FAM240A: variants seen among roughly 807,000 people sequenced by gnomAD.
FAM240A encodes the protein protein FAM240A.
A neutral mutation model predicts 7.3 loss-of-function variants in FAM240A; 8 were observed. That is an observed-to-expected ratio of 1.09 (90% confidence interval 0.64 to 1.97). FAM240A has a LOEUF of 1.97. FAM240A is among the 30% of genes most tolerant of loss of function. The probability of loss-of-function intolerance (pLI) is 0.00; values close to 1 mark genes in which losing one functional copy is unlikely to be tolerated. For synonymous variants in FAM240A, 32 were observed against 35.9 expected, an observed-to-expected ratio of 0.89 and a Z score of 0.38; for missense variants, 90 against 102.2, an observed-to-expected ratio of 0.88 and a Z score of 0.52.
intron 2 of FAM240A, among the ~76,000 whole-genome samples, chr3:46,623,660 T>G (rs1697722340): frequency 6.6e-6 from 1 of 152,224 alleles, no homozygotes; most frequent in Admixed American, 6.5e-5. Context: ...TAATATTTTT[T>G]GCTATGAAAT....
At chr3:46,618,934 C>T (rs1365054963) in intron 2 of FAM240A, among the ~76,000 whole-genome samples, 2 of 150,092 alleles carry the variant, frequency 1.3e-5, no homozygotes, top group Admixed American at 6.7e-5. Context: ...CAGTATCTAT[C>T]TATGCATATA....
chr3:46,624,264 ATTTTTTTTT>A (rs59290700), intron 2 of FAM240A, among the ~76,000 whole-genome samples: 1 of 96,492 alleles, frequency 1.0e-5, no homozygotes, highest in Non-Finnish European at 1.9e-5. Flanking sequence ...ACGGTGGGCT[ATTTTTTTTT>A]TTTTTTTTTT....
At chr3:46,612,720 G>T in intron 1 of FAM240A, 22 bp downstream of exon 1, 1 of 1,529,480 alleles carries the variant, frequency 6.5e-7, no homozygotes, top group Non-Finnish European at 8.8e-7. Context: ...TTAATTTGTT[G>T]ATTTTGTGAA....
At position 46,613,265 on chromosome 3, in the gene FAM240A, C is replaced by T. The variant is rs373179294; in HGVS notation, c.15+567C>T. Among the ~76,000 whole-genome samples, 60 of 152,084 alleles carry T rather than the reference C, an allele frequency of 3.9e-4. 1 individual carries two copies. In the South Asian group the frequency reaches 0.011, roughly 28 times the overall value. Reference sequence around the variant, plus strand: ...TCCCAGCACTTTTGAAGACCAAGGCCGGTGGATCACCTGAGGTCAGGAGTT... The same window carrying T: ...TCCCAGCACTTTTGAAGACCAAGGCTGGTGGATCACCTGAGGTCAGGAGTT... On this transcript the variant is annotated intron_variant, in intron 1 of 2. Coordinates refer to ENST00000640551, the MANE Select transcript of FAM240A (RefSeq NM_001195442.2).
intron 2 of FAM240A, 130 bp from the exon 3 acceptor site, chr3:46,624,998 C>T (rs1217611856): frequency 4.3e-5 from 16 of 373,412 alleles, no homozygotes; most frequent in East Asian, 1.9e-4. Flanking sequence ...CTTGCATGTC[C>T]TCTGCATGCC....
At chr3:46,624,228 G>A (rs1157978301) in intron 2 of FAM240A, among the ~76,000 whole-genome samples, 4 of 145,490 alleles carry the variant, frequency 2.7e-5, no homozygotes, top group African/African-American at 1.0e-4. Context: ...TAACCCCACA[G>A]TACATCATTA....
At chr3:46,616,745 A>G (rs1040458478) in intron 1 of FAM240A, among the ~76,000 whole-genome samples, 2 of 151,372 alleles carry the variant, frequency 1.3e-5, no homozygotes, top group Admixed American at 6.6e-5. Context: ...CATTTTCTTG[A>G]TCCAGTCATA....
At chr3:46,620,769 CT>C (rs1176739628) in intron 2 of FAM240A, among the ~76,000 whole-genome samples, 1 of 151,828 alleles carries the variant, frequency 6.6e-6, no homozygotes, top group Non-Finnish European at 1.5e-5. Context: ...TATTCGGGTC[CT>C]GATTCAACCA....
At position 46,612,552 on chromosome 3, in the gene FAM240A, C is replaced by G; in HGVS notation, c.-132C>G. 5.6e-6 allele frequency: 4 copies of G among 720,350 alleles called. No individual in the cohort carries two copies. The South Asian group carries it at 6.4e-5, about 11-fold the overall frequency. The allele number at this position is 720,350 out of a possible 1,614,324, so 44.6% of individuals were successfully genotyped here. The stretch of plus-strand genomic sequence containing the variant: ...ATTGCTGGCACAGCGTTAAGGCTTG[C>G]GAGGGACAAATGTTCCTTTGTTCTT... On this transcript the variant is annotated 5_prime_UTR_variant, in exon 1 of 3. Coordinates refer to ENST00000640551, the MANE Select transcript of FAM240A (RefSeq NM_001195442.2).
chr3:46,623,625 G>A (rs1467018434), intron 2 of FAM240A, among the ~76,000 whole-genome samples: 1 of 152,062 alleles, frequency 6.6e-6, no homozygotes, highest in Non-Finnish European at 1.5e-5. Flanking sequence ...CCCTCTTATT[G>A]CAAAATGACC....
chr3:46,625,076 C>T, intron 2 of FAM240A, 52 bp from the exon 3 acceptor site: 3 of 1,362,194 alleles, frequency 2.2e-6, no homozygotes, highest in Non-Finnish European at 3.0e-6. Flanking sequence ...TCTCCTGAAC[C>T]AAGAGCCATG....
At chr3:46,618,568 C>T (rs142749120) in intron 2 of FAM240A, among the ~76,000 whole-genome samples, 195 of 152,190 alleles carry the variant, frequency 1.3e-3, no homozygotes, top group African/African-American at 4.2e-3. Context: ...CGGCCGGGTG[C>T]GGTGACTCAC....
intron 2 of FAM240A, among the ~76,000 whole-genome samples, chr3:46,622,945 C>A (rs2107147770): frequency 6.6e-6 from 1 of 152,212 alleles, no homozygotes; most frequent in Non-Finnish European, 1.5e-5. Context: ...ATCTATAGGT[C>A]AATTTAGGGA....
At chr3:46,613,868 A>G (rs879482005) in intron 1 of FAM240A, among the ~76,000 whole-genome samples, 4 of 152,144 alleles carry the variant, frequency 2.6e-5, no homozygotes, top group Non-Finnish European at 5.9e-5. Flanking sequence ...GTCTTATCCC[A>G]GTGTCAGCCG....
At chr3:46,619,027 G>A (rs930480601) in intron 2 of FAM240A, among the ~76,000 whole-genome samples, 8 of 151,894 alleles carry the variant, frequency 5.3e-5, no homozygotes, top group South Asian at 2.1e-4. Context: ...ACCCTCTTCC[G>A]ATTTGACTCT....
At chr3:46,620,864 T>A (rs139635073) in intron 2 of FAM240A, among the ~76,000 whole-genome samples, 341 of 152,336 alleles carry the variant, frequency 2.2e-3, no homozygotes, top group African/African-American at 7.5e-3. Context: ...TCTGGTTAAT[T>A]TTTTAAGTGT....
At position 46,620,709 on chromosome 3, in the gene FAM240A, G is replaced by C. The variant is rs1000661886; in HGVS notation, c.161+3381G>C. Among the ~76,000 whole-genome samples, 3 of 152,204 alleles carry C rather than the reference G, an allele frequency of 2.0e-5. 1 individual carries two copies. The South Asian group carries it at 6.2e-4, about 31-fold the overall frequency. On this transcript the variant is annotated intron_variant, in intron 2 of 2. Transcript: ENST00000640551. ...GGGGAAAGATGAGGGAGAATTTCCA[G>C]ATTAAAGAAATCCTAAAAGATATAG... is the stretch of plus-strand genomic sequence containing the variant.
chr3:46,617,469 T>A, intron 2 of FAM240A, 141 bp downstream of exon 2: 2 of 604,702 alleles, frequency 3.3e-6, no homozygotes, highest in Non-Finnish European at 5.4e-6. Flanking sequence ...TGCCCCACTG[T>A]CAACATCTGC....
chr3:46,624,257 G>A (rs1697729769), intron 2 of FAM240A, among the ~76,000 whole-genome samples: 1 of 141,366 alleles, frequency 7.1e-6, no homozygotes, highest in African/African-American at 2.6e-5. Flanking sequence ...ACTTTCAACG[G>A]TGGGCTATTT....
Sources: allele counts gnomAD v4.1 joint callset (sites outside exome capture counted in the v4.1 genomes callset), GRCh38; gene constraint gnomAD v4.1.1; transcripts MANE v1.5; gene names NCBI Gene and HGNC (gene_info 2026-07-23, HGNC 2026-07-21).